The following ADAM32 variants were observed in gnomAD, a reference collection of about 807,000 sequenced individuals.
ADAM32 encodes the protein disintegrin and metalloproteinase domain-containing protein 32.
ADAM32 carries 89 observed loss-of-function variants against 114.9 expected under a neutral mutation model. The observed-to-expected ratio is 0.77, with a 90% confidence interval of 0.65 to 0.92. The LOEUF is 0.92. Among genes scored for constraint, ADAM32 ranks in the 40% least tolerant of loss-of-function variants. The pLI, the probability that ADAM32 is intolerant of heterozygous loss-of-function variation, is 0.00. For missense variants in ADAM32, 870 were observed against 932.8 expected, an observed-to-expected ratio of 0.93 and a Z score of 0.88; for synonymous variants, 285 against 307.5, an observed-to-expected ratio of 0.93 and a Z score of 0.77.
chr8:39,108,474 A>G (rs1455387495), intron 1 of ADAM32, among the ~76,000 whole-genome samples: 1 of 152,092 alleles, frequency 6.6e-6, no homozygotes, highest in Non-Finnish European at 1.5e-5. Context: ...GGAGCTGACT[A>G]ATATAGTACT....
intron 10 of ADAM32, among the ~76,000 whole-genome samples, chr8:39,179,633 C>T (rs1805727533): frequency 6.6e-6 from 1 of 152,158 alleles, no homozygotes; most frequent in African/African-American, 2.4e-5. Flanking sequence ...ATGAGAAAAG[C>T]ACGGTTTTCA....
At chr8:39,108,000 A>G in intron 1 of ADAM32, 167 bp downstream of exon 1, 1 of 909,260 alleles carries the variant, frequency 1.1e-6, no homozygotes, top group Non-Finnish European at 1.6e-6. Context: ...GAAGCGACTC[A>G]GGGCCCAGCA....
At chr8:39,205,410 G>A (rs7821199) in intron 11 of ADAM32, among the ~76,000 whole-genome samples, 71,844 of 152,122 alleles carry the variant, frequency 0.47, 18,134 homozygotes, top group South Asian at 0.69. Flanking sequence ...CTCCGTGGGC[G>A]TGGGACCCTC....
At chr8:39,211,649 A>T (rs1051586158) in intron 12 of ADAM32, among the ~76,000 whole-genome samples, 9 of 152,190 alleles carry the variant, frequency 5.9e-5, no homozygotes, top group African/African-American at 1.7e-4. Flanking sequence ...CTTAATGAAG[A>T]TTGATTAAGC....
chr8:39,206,665 C>T (rs1391203532), intron 11 of ADAM32, among the ~76,000 whole-genome samples: 1 of 152,232 alleles, frequency 6.6e-6, no homozygotes, highest in African/African-American at 2.4e-5. Flanking sequence ...TGGTGCACTG[C>T]ACCACTCATT....
chr8:39,258,629 G>A (rs1162699618), intron 19 of ADAM32, among the ~76,000 whole-genome samples: 1 of 152,116 alleles, frequency 6.6e-6, no homozygotes, highest in Non-Finnish European at 1.5e-5. Context: ...AAAAAATGAA[G>A]TAAATTTTTA....
intron 19 of ADAM32, among the ~76,000 whole-genome samples, chr8:39,265,269 T>G (rs1477111090): frequency 6.6e-6 from 1 of 152,190 alleles, no homozygotes; most frequent in East Asian, 1.9e-4. Flanking sequence ...TTTGTCCTTT[T>G]TTATTGTTTT....
At chr8:39,227,388 C>A (rs1475012355) in intron 14 of ADAM32, among the ~76,000 whole-genome samples, 1 of 152,126 alleles carries the variant, frequency 6.6e-6, no homozygotes, top group Non-Finnish European at 1.5e-5. Context: ...CCAGGCAGAC[C>A]ATTCCTGCCT....
intron 10 of ADAM32, among the ~76,000 whole-genome samples, chr8:39,177,061 CT>C (rs138755208): frequency 0.24 from 33,958 of 142,712 alleles, 3,833 homozygotes; most frequent in Non-Finnish European, 0.28. Context: ...TCATCTCCTC[CT>C]TTTTTTTTTT....
intron 16 of ADAM32, among the ~76,000 whole-genome samples, chr8:39,235,384 T>C (rs1378125954): frequency 6.6e-6 from 1 of 152,116 alleles, no homozygotes; most frequent in African/African-American, 2.4e-5. Context: ...TAAAGCTTAC[T>C]GTAGGTAAAG....
At chr8:39,168,179 G>A (rs1275427892) in intron 9 of ADAM32, 1 of 152,118 alleles carries the variant, frequency 6.6e-6, no homozygotes, top group Non-Finnish European at 1.5e-5. Context: ...CAGGAATAAA[G>A]ACAAAGAGAA....
chr8:39,166,339 C>T (rs898151014), intron 9 of ADAM32: 5 of 152,172 alleles, frequency 3.3e-5, no homozygotes, highest in Non-Finnish European at 7.3e-5. Context: ...TAATAGTCTC[C>T]AATCTCATCC....
intron 2 of ADAM32, among the ~76,000 whole-genome samples, chr8:39,132,654 T>C (rs1330652044): frequency 6.6e-6 from 1 of 152,240 alleles, no homozygotes; most frequent in Non-Finnish European, 1.5e-5. Context: ...TATTTCCTAT[T>C]AGCCTAAATA....
At chr8:39,182,839 C>T (rs543379126) in intron 10 of ADAM32, among the ~76,000 whole-genome samples, 1 of 152,194 alleles carries the variant, frequency 6.6e-6, no homozygotes, top group African/African-American at 2.4e-5. Context: ...CTAGCTTTTG[C>T]AGGTGTTCTT....
chr8:39,166,956 G>T (rs878950200), intron 9 of ADAM32: 2 of 152,156 alleles, frequency 1.3e-5, no homozygotes, highest in African/African-American at 4.8e-5. Flanking sequence ...CAGATGTATA[G>T]ATTGTGAAGA....
At chr8:39,126,224 A>G (rs774430003) in intron 2 of ADAM32, among the ~76,000 whole-genome samples, 21 of 152,178 alleles carry the variant, frequency 1.4e-4, no homozygotes, top group Non-Finnish European at 2.8e-4. Flanking sequence ...ATGGTAGTGT[A>G]ATGGAAATAA....
At chr8:39,283,692 A>G (rs1387568811) in intron 24 of ADAM32, 68 bp downstream of exon 24, 1 of 1,316,542 alleles carries the variant, frequency 7.6e-7, no homozygotes, top group Non-Finnish European at 1.1e-6. Context: ...CTCATAATCC[A>G]CTATTAATTC....
intron 16 of ADAM32, among the ~76,000 whole-genome samples, chr8:39,238,736 A>G (rs538196970): frequency 2.0e-5 from 3 of 152,290 alleles, no homozygotes; most frequent in African/African-American, 7.2e-5. Context: ...AATAAAAGAA[A>G]TCATAACTTA....
chr8:39,197,218 T>C (rs1807069214), intron 11 of ADAM32, among the ~76,000 whole-genome samples: 1 of 152,056 alleles, frequency 6.6e-6, no homozygotes, highest in African/African-American at 2.4e-5. Context: ...TATTGGGTCT[T>C]TACTCATTTT....
Sources: gnomAD v4.1 joint callset for allele counts (sites outside exome capture counted in the v4.1 genomes callset) on GRCh38, gnomAD v4.1.1 for gene constraint, MANE v1.5 for transcripts, NCBI Gene and HGNC (gene_info 2026-07-23, HGNC 2026-07-21) for gene names.